ATP10B: variants seen among roughly 807,000 people sequenced by gnomAD.
ATP10B encodes the protein phospholipid-transporting ATPase VB.
ATP10B carries 122 observed loss-of-function variants against 141.2 expected under a neutral mutation model. The ratio of observed to expected loss-of-function variants is 0.86; its 90% CI spans 0.75 to 1.00. The LOEUF (loss-of-function observed/expected upper bound fraction) is 1.00. ATP10B is among the 50% of genes least tolerant of loss of function. The pLI is 0.00. For missense variants in ATP10B, 1,876 were observed against 1,825.3 expected (o/e 1.03, Z -0.51); for synonymous variants, 685 against 692.0 (o/e 0.99, Z 0.16).
chr5:160,634,244 C>T (rs576001175), intron 12 of ATP10B, 110 bp downstream of exon 12: 1 of 1,509,802 alleles, frequency 6.6e-7, no homozygotes, highest in South Asian at 1.1e-5. Flanking sequence ...TGTGGAAATG[C>T]CACACAGCCT....
At chr5:160,752,734 A>C (rs886564542) in intron 2 of ATP10B, among the ~76,000 whole-genome samples, 3 of 152,176 alleles carry the variant, frequency 2.0e-5, no homozygotes, top group African/African-American at 7.2e-5. Context: ...CAACGCGGGG[A>C]TGTGGGCTTT....
chr5:160,825,114 C>T (rs1481451664), intron 1 of ATP10B, among the ~76,000 whole-genome samples: 3 of 152,162 alleles, frequency 2.0e-5, no homozygotes, highest in Non-Finnish European at 4.4e-5. Context: ...TGTCTCTCTA[C>T]CCCACTCTGC....
chr5:160,791,932 G>T (rs990882819), intron 1 of ATP10B, among the ~76,000 whole-genome samples: 22 of 152,218 alleles, frequency 1.4e-4, no homozygotes, highest in African/African-American at 5.3e-4. Context: ...CTATGAAAAT[G>T]ACTCTAGCTG....
chr5:160,728,572 C>T (rs1157714360), intron 2 of ATP10B, among the ~76,000 whole-genome samples: 1 of 152,124 alleles, frequency 6.6e-6, no homozygotes, highest in Non-Finnish European at 1.5e-5. Context: ...CTGGCTCCTG[C>T]CTAATGTGTC....
intron 7 of ATP10B, among the ~76,000 whole-genome samples, chr5:160,663,512 C>T (rs1170692111): frequency 6.6e-6 from 1 of 152,048 alleles, no homozygotes; most frequent in African/African-American, 2.4e-5. Context: ...AGCTGCAAAC[C>T]ATCATTCTCA....
chr5:160,791,294 T>C (rs6888509), intron 1 of ATP10B, among the ~76,000 whole-genome samples: 20,544 of 152,138 alleles, frequency 0.14, 1,517 homozygotes, highest in African/African-American at 0.18. Context: ...TTTGGTAATA[T>C]GTTAGGGCAG....
Position 160,755,824 on chromosome 5 carries a change from AAAAAAAAAAAAAAAATATATAT to A in ATP10B, c.-331+29713_-331+29734del, listed in dbSNP as rs1768506289. Among the ~76,000 whole-genome samples the A allele has an allele frequency of 6.0e-5, 4 of 66,162 alleles. No individual in the cohort carries two copies. In the Admixed American group the frequency reaches 9.5e-4, roughly 16 times the overall value. 43.4% of individuals were successfully genotyped at this position (66,162 alleles called of 152,430 possible). ...AGCGAGACTCCGTCTCAAAAAAAAA[AAAAAAAAAAAAAAAATATATAT>A]ATATATATATATATATATATATATA... On this transcript the variant is annotated intron_variant, in intron 2 of 25. Transcript: ENST00000327245.
rs925880496 is a variant in ATP10B at position 160,685,308 on chromosome 5, CAGA to C, written c.470+768_470+770del. The C allele has an allele frequency of 1.6e-4, 94 of 578,424 alleles. 1 individual carries two copies. The highest frequency in any genetic ancestry group is 1.6e-3 in the African/African-American group (85 of 52,854). 35.8% of individuals were successfully genotyped at this position (578,424 alleles called of 1,614,324 possible). On this transcript the variant is annotated intron_variant, in intron 6 of 25. Coordinates refer to ENST00000327245, the MANE Select transcript of ATP10B (RefSeq NM_025153.3). ...TGCTGAAAATTTTTCTCTCTTCTTTCAGAAGGATACTAAAAATGAAAAGCCAGG... is the reference window on the plus strand; with the variant it reads ...TGCTGAAAATTTTTCTCTCTTCTTTCAGGATACTAAAAATGAAAAGCCAGG...
chr5:160,883,641 G>C, the ATP10B span, among the ~76,000 whole-genome samples: 1 of 152,164 alleles, frequency 6.6e-6, no homozygotes, highest in Non-Finnish European at 1.5e-5. Context: ...ATAACAGAAA[G>C]TTGATAGATA....
At chr5:160,892,247 T>C in the ATP10B span, among the ~76,000 whole-genome samples, 1 of 152,210 alleles carries the variant, frequency 6.6e-6, no homozygotes, top group Non-Finnish European at 1.5e-5. Context: ...TCCTGCCTCT[T>C]CCTTCAGCTG....
intron 19 of ATP10B, among the ~76,000 whole-genome samples, chr5:160,606,139 T>G (rs1391998427): frequency 2.0e-5 from 3 of 152,192 alleles, no homozygotes; most frequent in Non-Finnish European, 4.4e-5. Context: ...TCACGAAGAT[T>G]CTTTTAAACC....
At chr5:160,643,961 T>C (rs926004422) in intron 9 of ATP10B, among the ~76,000 whole-genome samples, 177 bp downstream of exon 9, 1 of 152,184 alleles carries the variant, frequency 6.6e-6, no homozygotes, top group South Asian at 2.1e-4. Flanking sequence ...ATGTCTCCTG[T>C]AGAGTGAGTG....
intron 22 of ATP10B, 84 bp downstream of exon 22, chr5:160,598,686 G>A: frequency 7.8e-7 from 1 of 1,279,052 alleles, no homozygotes; most frequent in Non-Finnish European, 1.1e-6. Context: ...CCAGCATACA[G>A]CTCTTTCTCT....
chr5:160,641,033 A>G (rs1477002520), intron 9 of ATP10B, among the ~76,000 whole-genome samples: 5 of 152,238 alleles, frequency 3.3e-5, no homozygotes, highest in African/African-American at 9.6e-5. Flanking sequence ...GGCAAGACAT[A>G]GGGTTCACAT....
intron 2 of ATP10B, among the ~76,000 whole-genome samples, chr5:160,768,282 T>C (rs2127851119): frequency 6.6e-6 from 1 of 152,340 alleles, no homozygotes; most frequent in South Asian, 2.1e-4. Context: ...CTCACAATTA[T>C]GCTCATTTTT....
chr5:160,858,220 G>C, the ATP10B span, among the ~76,000 whole-genome samples: 1 of 151,708 alleles, frequency 6.6e-6, no homozygotes, highest in East Asian at 1.9e-4. Flanking sequence ...ATTATATAAT[G>C]TCTCTGTCTC....
At chr5:160,813,578 G>A (rs942560615) in intron 1 of ATP10B, among the ~76,000 whole-genome samples, 2 of 152,194 alleles carry the variant, frequency 1.3e-5, no homozygotes, top group African/African-American at 4.8e-5. Context: ...CCAAACAAAA[G>A]GCAGCAGAAT....
intron 8 of ATP10B, among the ~76,000 whole-genome samples, chr5:160,646,034 GT>G (rs1316130961): frequency 6.6e-6 from 1 of 152,114 alleles, no homozygotes; most frequent in African/African-American, 2.4e-5. Flanking sequence ...ACATGATTTT[GT>G]TTGACTCTTT....
At chr5:160,595,296 G>A (rs1374811437) in intron 22 of ATP10B, among the ~76,000 whole-genome samples, 1 of 151,944 alleles carries the variant, frequency 6.6e-6, no homozygotes, top group Non-Finnish European at 1.5e-5. Context: ...TGACTACTGG[G>A]TACATAACGA....
Sources: allele counts gnomAD v4.1 joint callset (sites outside exome capture counted in the v4.1 genomes callset), GRCh38; gene constraint gnomAD v4.1.1; transcripts MANE v1.5; gene names NCBI Gene and HGNC (gene_info 2026-07-23, HGNC 2026-07-21).